WFS1: variants seen among roughly 807,000 people sequenced by gnomAD.
The protein encoded by WFS1 is wolframin ER transmembrane glycoprotein.
Under a neutral mutation model 68.5 loss-of-function variants are expected in WFS1, and 90 were observed. The observed-to-expected ratio is 1.31, with a 90% confidence interval of 1.11 to 1.56. The LOEUF is 1.56. Ranked by LOEUF, WFS1 falls within the 40% of genes most tolerant of loss-of-function variation. The pLI is 0.00. For synonymous variants in WFS1, 860 were observed against 540.7 expected (o/e 1.59, Z -8.19); for missense variants, 1,767 against 1,232.6 (o/e 1.43, Z -6.49).
At chr4:6,293,883 C>T (rs1349763394) in intron 6 of WFS1, among the ~76,000 whole-genome samples, 1 of 152,180 alleles carries the variant, frequency 6.6e-6, no homozygotes, top group Non-Finnish European at 1.5e-5. Context: ...TGCATCCAGC[C>T]CGTGCTCCTT....
intron 6 of WFS1, among the ~76,000 whole-genome samples, chr4:6,292,962 C>T (rs1393549355): frequency 2.0e-5 from 3 of 152,218 alleles, no homozygotes; most frequent in Non-Finnish European, 4.4e-5. Context: ...TCTGCGTGGG[C>T]GGACATGGGT....
intron 7 of WFS1, among the ~76,000 whole-genome samples, chr4:6,300,067 A>G (rs1309593772): frequency 6.6e-6 from 1 of 152,008 alleles, no homozygotes; most frequent in Non-Finnish European, 1.5e-5. Flanking sequence ...GTGCAGCTGA[A>G]CGGTATTTTT....
rs150840308 is a variant in WFS1 at position 6,301,452 on chromosome 4, G to T, written c.1657G>T (p.Gly553Cys). 6.2e-6 allele frequency: 10 copies of T among 1,612,514 alleles called. No individual in the cohort carries two copies. Among genetic ancestry groups the T allele is most frequent in the Non-Finnish European group, 7.6e-6 (9 of 1,180,030 alleles). Residue 553 changes from glycine (G) to cysteine (C), a missense_variant, in exon 8 of 8, where the codon GGC (glycine) becomes TGC (cysteine). Gly to Cys is a radical substitution (Grantham distance 159). Transcript: ENST00000226760. ...CGTGGTCATCCTGCTGGAGTCCACC[G>T]GCCTGGGGCTGCTCCGCGCCTCCAT... ...LSVVILLEST[G>C]LGLLRASIGY...
rs1324524708 is a variant in WFS1 at position 6,283,189 on chromosome 4, T to C, written c.233-3904T>C. On this transcript the variant is annotated intron_variant, in intron 2 of 7. Transcript: ENST00000226760. The surrounding 1 kb of genome is among the most constrained non-coding windows in gnomAD (Gnocchi z 5.0). The stretch of plus-strand genomic sequence containing the variant: ...GGCATCCATGAATCTCTCAAATCCA[T>C]AGGGCCCGTGCATGACAAATAATTA... Among the ~76,000 whole-genome samples, 4 of 152,100 alleles carry C rather than the reference T, an allele frequency of 2.6e-5. No individual in the cohort carries two copies. Among genetic ancestry groups the C allele is most frequent in the Admixed American group, 1.3e-4 (2 of 15,278 alleles).
intron 1 of WFS1, among the ~76,000 whole-genome samples, chr4:6,276,502 C>T (rs147626242): frequency 4.6e-4 from 70 of 152,244 alleles, no homozygotes; most frequent in Middle Eastern, 6.8e-3. Flanking sequence ...GTTTCTGGGG[C>T]ATCAGTCCTC....
At chr4:6,280,138 C>A (rs1730116356) in intron 2 of WFS1, among the ~76,000 whole-genome samples, 1 of 152,202 alleles carries the variant, frequency 6.6e-6, no homozygotes, top group African/African-American at 2.4e-5. Context: ...CTTGGGCGTC[C>A]CTGTGCCAGG....
At chr4:6,288,020 C>T (rs958000594) in intron 3 of WFS1, among the ~76,000 whole-genome samples, 63 of 152,188 alleles carry the variant, frequency 4.1e-4, no homozygotes, top group African/African-American at 1.3e-3. Flanking sequence ...AGTTCGTGAC[C>T]AGCCTGGCCA....
At chr4:6,299,929 T>G (rs1730810171) in intron 7 of WFS1, among the ~76,000 whole-genome samples, 1 of 129,244 alleles carries the variant, frequency 7.7e-6, no homozygotes, top group African/African-American at 2.9e-5. Context: ...GGTGGGTTTG[T>G]GTGAATGCGT....
chr4:6,286,112 C>CTTT (rs1174228879), intron 2 of WFS1, among the ~76,000 whole-genome samples: 1 of 152,036 alleles, frequency 6.6e-6, no homozygotes, highest in Non-Finnish European at 1.5e-5. Flanking sequence ...TAACCTGACT[C>CTTT]TGTCTCCTTG....
In WFS1 at chr4:6,302,096, C is replaced by G; in HGVS notation, c.2301C>G (p.Ile767Met). Residue 767 changes from isoleucine to methionine, a missense_variant, in exon 8 of 8, where the codon ATC (isoleucine) becomes ATG (methionine). Coordinates refer to ENST00000226760, the MANE Select transcript of WFS1 (RefSeq NM_006005.3). Reference protein sequence around the residue: ...LKLLAKHPCHIKKFDRYKFEI... With the variant: ...LKLLAKHPCHMKKFDRYKFEI... The stretch of plus-strand genomic sequence containing the variant: ...TGCTGGCCAAGCACCCCTGCCACAT[C>G]AAGAAGTTCGACCGCTACAAGTTTG... The G allele has an allele frequency of 6.2e-7, 1 of 1,612,934 alleles. No individual in the cohort carries two copies.
chr4:6,298,673 G>A (rs912007769), intron 7 of WFS1, among the ~76,000 whole-genome samples: 5 of 152,170 alleles, frequency 3.3e-5, no homozygotes, highest in African/African-American at 4.8e-5. Context: ...TAACACTTCC[G>A]TTTCCTCCAT....
chr4:6,291,511 C>T (rs189580235), intron 5 of WFS1, 144 bp downstream of exon 5: 3 of 1,100,370 alleles, frequency 2.7e-6, no homozygotes, highest in Non-Finnish European at 4.0e-6. Context: ...AGGACAGGGC[C>T]CTTCCTTGTG....
rs904051573 is a variant in WFS1 at position 6,302,975 on chromosome 4, G to A, written c.*507G>A. 3 of 176,864 alleles carry A rather than the reference G, an allele frequency of 1.7e-5. No individual in the cohort carries two copies. The highest frequency in any genetic ancestry group is 1.3e-4 in the South Asian group (1 of 7,988). The allele number at this position is 176,864 out of a possible 1,614,324, so 11.0% of individuals were successfully genotyped here. ...GTGCACGGCAGCTTGAGCCTGTCAC[G>A]TGGTCAAGGCCCGGCCCCATCAGAG... On this transcript the variant is annotated 3_prime_UTR_variant, in exon 8 of 8. Transcript: ENST00000226760.
At chr4:6,280,272 G>A (rs1560403426) in intron 2 of WFS1, among the ~76,000 whole-genome samples, 1 of 152,220 alleles carries the variant, frequency 6.6e-6, no homozygotes, top group Non-Finnish European at 1.5e-5. Flanking sequence ...GTGCCAGTGG[G>A]CCAGGGCCGG....
chr4:6,301,007 C>G lies in WFS1; in HGVS notation c.1212C>G (p.Pro404=), dbSNP rs140091627. 6.2e-7 allele frequency: 1 copy of G among 1,614,030 alleles called. No individual in the cohort carries two copies. The highest frequency in any genetic ancestry group is 1.1e-5 in the South Asian group (1 of 91,088). The change falls in exon 8 of 8, where the codon CCC becomes CCG. Residue 404 remains proline (P), a synonymous_variant. Transcript: ENST00000226760. ...EVNFGWNHLE[P]YAHFLLSVFF... ...ACTTCGGCTGGAACCACCTGGAGCC[C>G]TATGCCCATTTCCTGCTCTCTGTCT...
chr4:6,300,761 C>G lies in WFS1; in HGVS notation c.966C>G (p.His322Gln), dbSNP rs140196582. The part of the protein sequence containing the change: ...MHWLSTIIPT[H>Q]HINALIFFFI... ...GGCTGTCCACCATCATCCCCACGCA[C>G]CACATCAACGCGCTCATCTTCTTCT... The change falls in exon 8 of 8, where the codon CAC (histidine) becomes CAG (glutamine). Residue 322 changes from histidine to glutamine, a missense_variant. Coordinates refer to ENST00000226760, the MANE Select transcript of WFS1 (RefSeq NM_006005.3). The G allele has an allele frequency of 6.2e-7, 1 of 1,613,784 alleles. No homozygotes were observed. Among genetic ancestry groups the G allele is most frequent in the African/African-American group, 1.3e-5 (1 of 74,978 alleles).
At position 6,270,314 on chromosome 4, in the gene WFS1, C is replaced by T. The variant is rs916936733; in HGVS notation, c.-6+300C>T. Among the ~76,000 whole-genome samples, 10 of 151,618 alleles carry T rather than the reference C, an allele frequency of 6.6e-5. 1 individual carries two copies. Among genetic ancestry groups the T allele is most frequent in the African/African-American group, 2.2e-4 (9 of 41,462 alleles). ...CGGGCGGGACAGCAGGCCCGAGAGG[C>T]GGAGCGGCCGGCGGGCAGGCCCCCT... is the stretch of plus-strand genomic sequence containing the variant. On this transcript the variant is annotated intron_variant, in intron 1 of 7. Transcript: ENST00000226760.
rs1730231071 is a variant in WFS1, at chr4:6,283,838, A to T, written c.233-3255A>T. Among the ~76,000 whole-genome samples the T allele has an allele frequency of 6.6e-6, 1 of 151,810 alleles. No individual in the cohort carries two copies. The highest frequency in any genetic ancestry group is 1.5e-5 in the Non-Finnish European group (1 of 67,984). ...GACATCAAGGTGCAGTCATCAGAAA[A>T]AGCAAGGAACGGAGGTCGAGCACAC... On this transcript the variant is annotated intron_variant, in intron 2 of 7. Coordinates refer to ENST00000226760, the MANE Select transcript of WFS1 (RefSeq NM_006005.3). This position sits in a 1 kb window ranked among gnomAD's most constrained non-coding sequence, Gnocchi z 5.0.
In WFS1 at chr4:6,277,491, C is replaced by T. The variant is rs1238416432; in HGVS notation, c.36C>T (p.Cys12=). The T allele has an allele frequency of 3.8e-6, 6 of 1,564,686 alleles. No homozygotes were observed. Among genetic ancestry groups the T allele is most frequent in the Non-Finnish European group, 5.2e-6 (6 of 1,154,762 alleles). The change falls in exon 2 of 8, where the codon TGC becomes TGT. Residue 12 remains cysteine, a synonymous_variant. Coordinates refer to ENST00000226760, the MANE Select transcript of WFS1 (RefSeq NM_006005.3). ...ACACTGCTCCGCTGGGCCCCTCCTG[C>T]CCACAGCCCCCGCCAGCACCGCAGC... The part of the protein sequence containing the change: ...DSNTAPLGPS[C]PQPPPAPQPQ...
Sources: gnomAD v4.1 joint callset for allele counts (sites outside exome capture counted in the v4.1 genomes callset) on GRCh38, gnomAD v4.1.1 for gene constraint, Gnocchi (gnomAD v3.1) non-coding constraint, MANE v1.5 for transcripts, NCBI Gene and HGNC (gene_info 2026-07-23, HGNC 2026-07-21) for gene names.